CNOT1: variants seen among roughly 807,000 people sequenced by gnomAD.
CNOT1 encodes CCR4-associated factor 1.
In CNOT1, 15 loss-of-function variants were observed where a neutral mutation model predicts 273.8. The ratio of observed to expected loss-of-function variants is 0.05; its 90% CI spans 0.04 to 0.08. The LOEUF is 0.08. Among genes scored for constraint, CNOT1 ranks in the 10% least tolerant of loss-of-function variants. The pLI, the probability that CNOT1 is intolerant of heterozygous loss-of-function variation, is 1.00. For synonymous variants in CNOT1, 1,022 were observed against 1,005.5 expected (o/e 1.02, Z -0.31); for missense variants, 1,644 against 2,912.2 (o/e 0.56, Z 10.02).
Position 58,521,428 on chromosome 16 carries a change from G to C in CNOT1, c.6918-111C>G. ...CCTGACTATTGAACCACATGCAAAA[G>C]TTTTCACCTTTAGTAAAGACAGGTG... On this transcript the variant is annotated intron_variant, in intron 47 of 48. Coordinates refer to ENST00000317147, the MANE Select transcript of CNOT1 (RefSeq NM_016284.5). 1.8e-6 allele frequency: 2 copies of C among 1,100,474 alleles called. 1 individual carries two copies. The highest frequency in any genetic ancestry group is 3.1e-5 in the South Asian group (2 of 63,556). The allele number at this position is 1,100,474 out of a possible 1,614,324, so 68.2% of individuals were successfully genotyped here.
At chr16:58,559,946 T>TCAAG (rs773520990) in intron 17 of CNOT1, 78 of 921,712 alleles carry the variant, frequency 8.5e-5, no homozygotes, top group Non-Finnish European at 1.0e-4. Flanking sequence ...CTCAAGAGTC[T>TCAAG]ACGTAATTCA....
chr16:58,537,584 A>G (rs193061122), intron 38 of CNOT1, among the ~76,000 whole-genome samples: 2 of 152,376 alleles, frequency 1.3e-5, no homozygotes, highest in Admixed American at 1.3e-4. Context: ...TCTATAAAGA[A>G]TAGGTTTAAG....
chr16:58,622,213 C>T (rs2043359364), intron 1 of CNOT1, among the ~76,000 whole-genome samples: 1 of 150,816 alleles, frequency 6.6e-6, no homozygotes, highest in African/African-American at 2.4e-5. Context: ...ACTAGGGATG[C>T]TGAGGCAGGA....
rs2041655726 is a variant in CNOT1, at chr16:58,581,509, T to G, written c.1051A>C (p.Ser351Arg). 1 of 1,610,946 alleles carries G rather than the reference T, an allele frequency of 6.2e-7. No homozygotes were observed. Among genetic ancestry groups the G allele is most frequent in the South Asian group, 1.1e-5 (1 of 90,368 alleles). Residue 351 changes from serine (S) to arginine (R), a missense_variant, in exon 11 of 49, where the codon AGT becomes CGT. Ser to Arg is a moderately radical substitution (Grantham distance 110, BLOSUM62 -1). This residue lies in a region of CNOT1 where 706 missense variants were observed against 1,021.2 expected (regional missense o/e 0.69). Coordinates refer to ENST00000317147, the MANE Select transcript of CNOT1 (RefSeq NM_016284.5). ...LIDVLKELNP[S>R]LNFKEVTYEL... The stretch of plus-strand genomic sequence containing the variant: ...TAAGTTACTTCCTTGAAATTCAAAC[T>G]TGGATTCTAAAAAAGACCAAAGCAG...
intron 1 of CNOT1, among the ~76,000 whole-genome samples, chr16:58,606,503 G>A (rs2042680611): frequency 1.3e-5 from 2 of 152,114 alleles, no homozygotes; most frequent in Admixed American, 1.3e-4. Context: ...AAATAAATGA[G>A]TGTAAAGATT....
chr16:58,617,529 A>G (rs771368923), intron 1 of CNOT1, among the ~76,000 whole-genome samples: 1 of 152,184 alleles, frequency 6.6e-6, no homozygotes, highest in Non-Finnish European at 1.5e-5. Context: ...CATATTGGTA[A>G]GTACAAGAAT....
At chr16:58,596,756 C>T (rs1187742753) in intron 2 of CNOT1, among the ~76,000 whole-genome samples, 2 of 151,696 alleles carry the variant, frequency 1.3e-5, no homozygotes, top group Admixed American at 1.3e-4. Flanking sequence ...GGTGTGGTGG[C>T]GAGCGACTGT....
chr16:58,557,263 C>T (rs1033018701), intron 18 of CNOT1, among the ~76,000 whole-genome samples: 2 of 152,146 alleles, frequency 1.3e-5, no homozygotes, highest in Admixed American at 6.5e-5. Context: ...TATACATTCT[C>T]AAAGCACATA....
intron 1 of CNOT1, among the ~76,000 whole-genome samples, chr16:58,627,846 T>C (rs1190414037): frequency 1.3e-5 from 2 of 152,210 alleles, no homozygotes; most frequent in Non-Finnish European, 2.9e-5. Flanking sequence ...AGACTTTTTT[T>C]TGAGACGGAG....
chr16:58,534,091 TAAATA>T (rs1395365964), intron 40 of CNOT1, 51 bp downstream of exon 40: 4 of 1,338,678 alleles, frequency 3.0e-6, no homozygotes, highest in African/African-American at 3.0e-5. Context: ...AATAAATAAA[TAAATA>T]AAACACCCCA....
At chr16:58,602,772 G>C (rs2042521818) in intron 1 of CNOT1, among the ~76,000 whole-genome samples, 1 of 151,442 alleles carries the variant, frequency 6.6e-6, no homozygotes, top group African/African-American at 2.4e-5. Flanking sequence ...TTTTTAAAAA[G>C]AAAAAACCAT....
chr16:58,530,406 A>C, intron 42 of CNOT1, 59 bp from the exon 43 acceptor site: 1 of 1,263,496 alleles, frequency 7.9e-7, no homozygotes, highest in African/African-American at 1.5e-5. Flanking sequence ...CAGCCACTAC[A>C]AGTCGCCCAA....
At chr16:58,535,088 C>G (rs2039885102) in intron 39 of CNOT1, among the ~76,000 whole-genome samples, 1 of 152,032 alleles carries the variant, frequency 6.6e-6, no homozygotes, top group Non-Finnish European at 1.5e-5. Flanking sequence ...CCCCTCAACC[C>G]TTTAAACAAA....
chr16:58,603,469 C>T (rs1477668594), intron 1 of CNOT1, among the ~76,000 whole-genome samples: 2 of 148,486 alleles, frequency 1.3e-5, no homozygotes, highest in African/African-American at 5.0e-5. Flanking sequence ...GTGTCTAAAA[C>T]TCAGATATGT....
At position 58,542,345 on chromosome 16, in the gene CNOT1, A is replaced by G; in HGVS notation, c.4576-10T>C. Reference sequence around the variant, plus strand: ...TTCTCAGCTCAAATTCCTGCAAACAAAAAAAGTCACTGAGGTTCTTGTTAT... The same window carrying G: ...TTCTCAGCTCAAATTCCTGCAAACAGAAAAAGTCACTGAGGTTCTTGTTAT... On this transcript the variant is annotated splice_polypyrimidine_tract_variant and intron_variant, in intron 32 of 48. Transcript: ENST00000317147. 6.2e-7 allele frequency: 1 copy of G among 1,614,028 alleles called. No individual in the cohort carries two copies. Among genetic ancestry groups the G allele is most frequent in the African/African-American group, 1.3e-5 (1 of 75,038 alleles).
intron 2 of CNOT1, among the ~76,000 whole-genome samples, chr16:58,598,765 T>C (rs979755685): frequency 6.6e-6 from 1 of 151,742 alleles, no homozygotes; most frequent in African/African-American, 2.4e-5. Context: ...AAAAATCTTT[T>C]TAAAAAAAAG....
At chr16:58,588,670 C>T (rs2041954869) in intron 3 of CNOT1, 129 bp downstream of exon 3, 3 of 1,213,618 alleles carry the variant, frequency 2.5e-6, no homozygotes, top group Non-Finnish European at 2.3e-6. Flanking sequence ...AAATCTAACA[C>T]CTTTTCACCA....
intron 16 of CNOT1, among the ~76,000 whole-genome samples, chr16:58,569,967 CA>C (rs1258674851): frequency 6.6e-6 from 1 of 152,054 alleles, no homozygotes; most frequent in Non-Finnish European, 1.5e-5. Context: ...AGAAAAAAGA[CA>C]AGGAGAGTAT....
intron 22 of CNOT1, among the ~76,000 whole-genome samples, chr16:58,552,622 T>C (rs1011384203): frequency 1.3e-5 from 2 of 152,196 alleles, no homozygotes; most frequent in African/African-American, 4.8e-5. Flanking sequence ...GATTAAGTCA[T>C]TACAATAACC....
Sources: allele counts gnomAD v4.1 joint callset (sites outside exome capture counted in the v4.1 genomes callset), GRCh38; gene constraint gnomAD v4.1.1; regional missense constraint gnomAD v4.1.1; transcripts MANE v1.5; gene names NCBI Gene and HGNC (gene_info 2026-07-23, HGNC 2026-07-21).